AKAP6: variants seen among roughly 807,000 people sequenced by gnomAD.
The protein encoded by AKAP6 is A-kinase anchoring protein 6.
Under a neutral mutation model 188.5 loss-of-function variants are expected in AKAP6, and 58 were observed. That is an observed-to-expected ratio of 0.31 (90% CI 0.25 to 0.38). The LOEUF is 0.38. Ranked by LOEUF, AKAP6 falls within the 10% of genes least tolerant of loss-of-function variation. AKAP6 has a pLI of 1.00. For synonymous variants in AKAP6, 989 were observed against 998.6 expected, an observed-to-expected ratio of 0.99 and a Z score of 0.18; for missense variants, 2,710 against 2,740.0, an observed-to-expected ratio of 0.99 and a Z score of 0.24.
intron 7 of AKAP6, among the ~76,000 whole-genome samples, chr14:32,653,948 T>C (rs1480753190): frequency 6.6e-6 from 1 of 152,134 alleles, no homozygotes; most frequent in Non-Finnish European, 1.5e-5. Flanking sequence ...TAAAAACCTA[T>C]ACAGACTCAT....
intron 2 of AKAP6, among the ~76,000 whole-genome samples, chr14:32,523,538 A>G (rs1162653893): frequency 1.3e-5 from 2 of 149,714 alleles, no homozygotes; most frequent in African/African-American, 5.0e-5. Flanking sequence ...ATGTGATCTC[A>G]GCTCACTGCA....
rs905703649 is a variant in AKAP6 at position 32,510,449 on chromosome 14, T to C, written c.325-25105T>C. On this transcript the variant is annotated intron_variant, in intron 2 of 13. Coordinates refer to ENST00000280979, the MANE Select transcript of AKAP6 (RefSeq NM_004274.5). ...ACATATATATATGTGTATATATATA[T>C]ACATATATATGTGTATATATATATA... Among the ~76,000 whole-genome samples the C allele has an allele frequency of 1.6e-3, 34 of 21,472 alleles. 1 individual carries two copies. Among genetic ancestry groups the C allele is most frequent in the South Asian group, 4.5e-3 (9 of 1,982 alleles). The allele number at this position is 21,472 out of a possible 152,430, so 14.1% of individuals were successfully genotyped here.
At chr14:32,417,236 C>T (rs1566491743) in intron 1 of AKAP6, among the ~76,000 whole-genome samples, 1 of 152,246 alleles carries the variant, frequency 6.6e-6, no homozygotes, top group East Asian at 1.9e-4. Flanking sequence ...TATTCTAAAT[C>T]TTGTAGTAAC....
chr14:32,597,417 T>G (rs1261794593), intron 5 of AKAP6, among the ~76,000 whole-genome samples: 1 of 152,204 alleles, frequency 6.6e-6, no homozygotes, highest in Non-Finnish European at 1.5e-5. Flanking sequence ...CTCTTTACCC[T>G]GTCCCTGCTC....
chr14:32,494,482 G>A (rs763217452), intron 2 of AKAP6: 2 of 152,096 alleles, frequency 1.3e-5, no homozygotes, highest in African/African-American at 4.8e-5. Flanking sequence ...TTTATTAGAG[G>A]TAGCATGCTT....
chr14:32,825,113 A>G (rs1269754630), intron 13 of AKAP6, among the ~76,000 whole-genome samples: 1 of 152,190 alleles, frequency 6.6e-6, no homozygotes, highest in Admixed American at 6.5e-5. Flanking sequence ...ATTGAGGGAG[A>G]ATAAAAAGCT....
At chr14:32,344,642 G>A (rs1034116764) in intron 1 of AKAP6, among the ~76,000 whole-genome samples, 2 of 152,164 alleles carry the variant, frequency 1.3e-5, no homozygotes, top group African/African-American at 4.8e-5. Context: ...AGGCCTGGAC[G>A]CAGTGGCTCA....
chr14:32,573,828 T>C (rs1277416974), intron 4 of AKAP6, among the ~76,000 whole-genome samples: 1 of 152,216 alleles, frequency 6.6e-6, no homozygotes, highest in Non-Finnish European at 1.5e-5. Context: ...GTATTTGTTG[T>C]GTGTGTCCAA....
At chr14:32,479,993 G>A (rs1352547454) in intron 2 of AKAP6, among the ~76,000 whole-genome samples, 2 of 152,204 alleles carry the variant, frequency 1.3e-5, no homozygotes, top group African/African-American at 2.4e-5. Flanking sequence ...GTGTGATGGT[G>A]TAGGCCCTGT....
intron 2 of AKAP6, among the ~76,000 whole-genome samples, chr14:32,529,195 G>GTTTTT (rs1882281973): frequency 6.6e-6 from 1 of 152,062 alleles, no homozygotes; most frequent in Admixed American, 6.6e-5. Context: ...TATGTTTTTA[G>GTTTTT]ATTTATACCT....
At chr14:32,406,366 T>C (rs1432771365) in intron 1 of AKAP6, among the ~76,000 whole-genome samples, 3 of 152,086 alleles carry the variant, frequency 2.0e-5, no homozygotes, top group South Asian at 2.1e-4. Context: ...TGTGCCACTA[T>C]GCCCAGCTAA....
chr14:32,353,614 C>T (rs1232619003), intron 1 of AKAP6, among the ~76,000 whole-genome samples: 2 of 152,092 alleles, frequency 1.3e-5, no homozygotes, highest in Non-Finnish European at 2.9e-5. Flanking sequence ...CCAGGGCAGT[C>T]AGGCAGGAGA....
chr14:32,579,310 C>A (rs1884863796), intron 5 of AKAP6, among the ~76,000 whole-genome samples: 1 of 152,122 alleles, frequency 6.6e-6, no homozygotes, highest in African/African-American at 2.4e-5. Flanking sequence ...ATATTTATTT[C>A]TTAAAGAATA....
chr14:32,597,322 C>T (rs28446746), intron 5 of AKAP6, among the ~76,000 whole-genome samples: 4,512 of 152,134 alleles, frequency 0.03, 176 homozygotes, highest in African/African-American at 0.098. Context: ...TCAAAGAGAG[C>T]CCTAGGCTAA....
At chr14:32,688,790 C>T (rs376399463) in intron 8 of AKAP6, among the ~76,000 whole-genome samples, 1 of 152,126 alleles carries the variant, frequency 6.6e-6, no homozygotes, top group African/African-American at 2.4e-5. Flanking sequence ...TAACTAAAAT[C>T]TTGTAGTCCA....
At chr14:32,362,949 G>T (rs1312531165) in intron 1 of AKAP6, among the ~76,000 whole-genome samples, 1 of 152,100 alleles carries the variant, frequency 6.6e-6, no homozygotes, top group Non-Finnish European at 1.5e-5. Context: ...TACTTCTGAG[G>T]TATATGTCAA....
chr14:32,423,928 T>C (rs1456866311), intron 1 of AKAP6, among the ~76,000 whole-genome samples: 2 of 152,178 alleles, frequency 1.3e-5, no homozygotes, highest in East Asian at 3.8e-4. Context: ...TCTTTTTATA[T>C]TTAATGGAGT....
chr14:32,352,632 A>G (rs921894005), intron 1 of AKAP6, among the ~76,000 whole-genome samples: 1 of 152,126 alleles, frequency 6.6e-6, no homozygotes. Flanking sequence ...GCTTTCTTAG[A>G]TTCCACAAAT....
chr14:32,505,373 A>G (rs1378613506), intron 2 of AKAP6, among the ~76,000 whole-genome samples: 2 of 151,842 alleles, frequency 1.3e-5, no homozygotes, highest in Non-Finnish European at 2.9e-5. Context: ...GGCTGCATCT[A>G]TGGTGAGGCA....
Sources: allele counts gnomAD v4.1 joint callset (sites outside exome capture counted in the v4.1 genomes callset), GRCh38; gene constraint gnomAD v4.1.1; transcripts MANE v1.5; gene names NCBI Gene and HGNC (gene_info 2026-07-23, HGNC 2026-07-21).